The following LRRTM4 variants were observed in gnomAD, a reference collection of about 807,000 sequenced individuals.
LRRTM4 encodes the protein leucine rich repeat transmembrane neuronal 4.
A neutral mutation model predicts 47.6 loss-of-function variants in LRRTM4; 25 were observed. That is an observed-to-expected ratio of 0.53 (90% confidence interval 0.38 to 0.73). The LOEUF (loss-of-function observed/expected upper bound fraction) is 0.73, where lower values mean the gene tolerates loss of function less well. Among genes scored for constraint, LRRTM4 ranks in the 30% least tolerant of loss-of-function variants. LRRTM4 has a pLI of 0.00. For missense variants in LRRTM4, 638 were observed against 713.4 expected (o/e 0.89, Z 1.20); for synonymous variants, 311 against 269.5 (o/e 1.15, Z -1.51).
At chr2:77,023,092 C>T (rs1010393018) in intron 3 of LRRTM4, among the ~76,000 whole-genome samples, 1 of 152,246 alleles carries the variant, frequency 6.6e-6, no homozygotes, top group Non-Finnish European at 1.5e-5. Flanking sequence ...CAATTCTTGA[C>T]TTCTGTGTAC....
At chr2:76,855,544 C>G (rs1381786571) in intron 3 of LRRTM4, among the ~76,000 whole-genome samples, 2 of 152,114 alleles carry the variant, frequency 1.3e-5, no homozygotes, top group African/African-American at 4.8e-5. Context: ...TTCACTTATC[C>G]CAATCTCTTT....
chr2:77,050,213 C>T (rs1405885482), intron 3 of LRRTM4, among the ~76,000 whole-genome samples: 1 of 146,514 alleles, frequency 6.8e-6, no homozygotes, highest in Non-Finnish European at 1.5e-5. Flanking sequence ...GGGATTCTGG[C>T]ATTTCTTGTG....
intron 3 of LRRTM4, among the ~76,000 whole-genome samples, chr2:77,376,968 A>G (rs1203977621): frequency 1.3e-5 from 2 of 151,874 alleles, no homozygotes; most frequent in African/African-American, 4.8e-5. Flanking sequence ...CTCTTTCTCC[A>G]TATGTTTATA....
At chr2:76,991,973 G>A (rs1677025077) in intron 3 of LRRTM4, among the ~76,000 whole-genome samples, 1 of 151,788 alleles carries the variant, frequency 6.6e-6, no homozygotes, top group Non-Finnish European at 1.5e-5. Flanking sequence ...ATTTAAGATT[G>A]ATTAAACATG....
intron 2 of LRRTM4, among the ~76,000 whole-genome samples, chr2:77,520,599 A>C (rs1289220209): frequency 6.6e-6 from 1 of 152,102 alleles, no homozygotes; most frequent in African/African-American, 2.4e-5. Flanking sequence ...CAAAGTTAAG[A>C]CTATCAAAAT....
At chr2:77,081,074 C>A (rs559712344) in intron 3 of LRRTM4, among the ~76,000 whole-genome samples, 1 of 152,174 alleles carries the variant, frequency 6.6e-6, no homozygotes, top group South Asian at 2.1e-4. Context: ...AATTTATCAC[C>A]TTTCTCTAGT....
At chr2:77,270,366 T>A (rs528999454) in intron 3 of LRRTM4, among the ~76,000 whole-genome samples, 21 of 152,320 alleles carry the variant, frequency 1.4e-4, no homozygotes, top group African/African-American at 5.1e-4. Flanking sequence ...ATTATTTATA[T>A]TGGGATCTCT....
At chr2:77,354,644 A>G (rs1266477714) in intron 3 of LRRTM4, among the ~76,000 whole-genome samples, 1 of 152,142 alleles carries the variant, frequency 6.6e-6, no homozygotes, top group Non-Finnish European at 1.5e-5. Context: ...TCGTGATTTC[A>G]GGCAATCTCA....
intron 3 of LRRTM4, among the ~76,000 whole-genome samples, chr2:77,155,104 T>A (rs1023588508): frequency 6.6e-6 from 1 of 152,090 alleles, no homozygotes; most frequent in Admixed American, 6.6e-5. Flanking sequence ...CTTGCTAAGT[T>A]TAAAAAAATA....
At chr2:77,183,631 C>T (rs935267461) in intron 3 of LRRTM4, among the ~76,000 whole-genome samples, 2 of 152,098 alleles carry the variant, frequency 1.3e-5, no homozygotes, top group Non-Finnish European at 2.9e-5. Flanking sequence ...TACATGCACA[C>T]GTATGTTTAT....
At chr2:77,521,380 C>T (rs1165731427) in intron 2 of LRRTM4, among the ~76,000 whole-genome samples, 1 of 151,908 alleles carries the variant, frequency 6.6e-6, no homozygotes, top group Non-Finnish European at 1.5e-5. Context: ...GTATTTATCT[C>T]CTTCTGAATT....
chr2:77,155,673 A>G (rs998444573), intron 3 of LRRTM4, among the ~76,000 whole-genome samples: 4 of 152,070 alleles, frequency 2.6e-5, no homozygotes, highest in African/African-American at 9.7e-5. Context: ...TATCAAAGAG[A>G]GCACCAAAGT....
intron 3 of LRRTM4, among the ~76,000 whole-genome samples, chr2:77,483,371 C>T (rs1341802563): frequency 6.6e-6 from 1 of 151,994 alleles, no homozygotes; most frequent in African/African-American, 2.4e-5. Flanking sequence ...GGGACAGTCT[C>T]TCTCTGTAGC....
intron 3 of LRRTM4, among the ~76,000 whole-genome samples, chr2:76,829,355 T>C (rs922414373): frequency 6.6e-6 from 1 of 151,970 alleles, no homozygotes; most frequent in East Asian, 1.9e-4. Context: ...GTGTATCCAT[T>C]TGTACTCTTG....
rs189144894 is a variant in LRRTM4 at position 77,513,756 on chromosome 2, G to A, written c.1551+4562C>T. Among the ~76,000 whole-genome samples the A allele has an allele frequency of 2.6e-3, 389 of 151,988 alleles. 3 individuals are homozygous for A. The highest frequency in any genetic ancestry group is 9.1e-3 in the African/African-American group (379 of 41,474). On this transcript the variant is annotated intron_variant, in intron 3 of 3. Transcript: ENST00000409884. ...AATTTTTGTATTTTCAGTAGAGACA[G>A]GTTTTCACCATGTTGGTCAGACTGG...
At chr2:76,830,714 G>A (rs1397732427) in intron 3 of LRRTM4, among the ~76,000 whole-genome samples, 4 of 151,814 alleles carry the variant, frequency 2.6e-5, no homozygotes, top group Non-Finnish European at 5.9e-5. Context: ...AAACAATAAT[G>A]TTATAAATTA....
intron 3 of LRRTM4, among the ~76,000 whole-genome samples, chr2:77,289,155 T>G (rs1438152006): frequency 1.3e-5 from 2 of 152,062 alleles, no homozygotes; most frequent in Non-Finnish European, 2.9e-5. Flanking sequence ...CATCAATATG[T>G]GAAAGGAGTT....
At chr2:77,132,120 C>G (rs1032058505) in intron 3 of LRRTM4, among the ~76,000 whole-genome samples, 1 of 152,072 alleles carries the variant, frequency 6.6e-6, no homozygotes, top group Non-Finnish European at 1.5e-5. Context: ...CATTTGTACC[C>G]ATGAACTCTT....
At chr2:77,225,400 A>G (rs1023989677) in intron 3 of LRRTM4, among the ~76,000 whole-genome samples, 2 of 149,170 alleles carry the variant, frequency 1.3e-5, no homozygotes, top group African/African-American at 5.1e-5. Flanking sequence ...TAACTAGTGT[A>G]TGCGGATGAA....
Sources: allele counts gnomAD v4.1 joint callset (sites outside exome capture counted in the v4.1 genomes callset), GRCh38; gene constraint gnomAD v4.1.1; transcripts MANE v1.5; gene names NCBI Gene and HGNC (gene_info 2026-07-23, HGNC 2026-07-21).